The following VAC14 variants were observed in gnomAD, a reference collection of about 807,000 sequenced individuals.
VAC14 encodes the protein protein VAC14 homolog.
In VAC14, 47 loss-of-function variants were observed where a neutral mutation model predicts 85.3. The ratio of observed to expected loss-of-function variants is 0.55; its 90% CI spans 0.44 to 0.70. VAC14 has a LOEUF of 0.70. VAC14 is among the 30% of genes least tolerant of loss of function. The pLI, the probability that VAC14 is intolerant of heterozygous loss-of-function variation, is 0.00. For missense variants in VAC14, 861 were observed against 1,004.3 expected, an observed-to-expected ratio of 0.86 and a Z score of 1.93; for synonymous variants, 447 against 430.5, an observed-to-expected ratio of 1.04 and a Z score of -0.47.
intron 14 of VAC14, 44 bp downstream of exon 14, chr16:70,731,451 G>A (rs375183896): frequency 2.5e-6 from 4 of 1,591,402 alleles, no homozygotes; most frequent in South Asian, 1.1e-5. Flanking sequence ...GTGAAAAGCC[G>A]GGGCCGTGGG....
At chr16:70,698,041 GGAGTGA>G (rs1326970659) in intron 15 of VAC14, among the ~76,000 whole-genome samples, 2 of 152,192 alleles carry the variant, frequency 1.3e-5, no homozygotes, top group African/African-American at 4.8e-5. Context: ...TGTTCATAGG[GGAGTGA>G]GAGTGAGTGA....
chr16:70,762,744 G>C lies in VAC14; in HGVS notation c.1305+137C>G. Reference sequence around the variant, plus strand: ...CTCCCCGACACAATGAGGGCTCCTCGCAGCACCTGTCACTTCTCTGCCGGC... The same window carrying C: ...CTCCCCGACACAATGAGGGCTCCTCCCAGCACCTGTCACTTCTCTGCCGGC... On this transcript the variant is annotated intron_variant, in intron 11 of 18. Coordinates refer to ENST00000261776, the MANE Select transcript of VAC14 (RefSeq NM_018052.5). The surrounding 1 kb of genome is among the most constrained non-coding windows in gnomAD (Gnocchi z 4.1). 2 of 1,501,964 alleles carry C rather than the reference G, an allele frequency of 1.3e-6. No homozygotes were observed. The highest frequency in any genetic ancestry group is 1.8e-6 in the Non-Finnish European group (2 of 1,099,002). 93.0% of individuals were successfully genotyped at this position (1,501,964 alleles called of 1,614,324 possible). A position where few individuals can be genotyped will look rare whatever the true frequency, so the allele number is the denominator to read the frequency against.
In VAC14 at chr16:70,784,829, C is replaced by G. The variant is rs953224321; in HGVS notation, c.433G>C (p.Asp145His). The G allele has an allele frequency of 6.2e-7, 1 of 1,613,988 alleles. No individual in the cohort carries two copies. Among genetic ancestry groups the G allele is most frequent in the Non-Finnish European group, 8.5e-7 (1 of 1,180,000 alleles). Residue 145 changes from aspartate (D) to histidine (H), a missense_variant, in exon 4 of 19, where the codon GAC becomes CAC. Around this residue, in one of 3 missense-constraint regions of VAC14, gnomAD observed 629 missense variants for 703.1 expected, o/e 0.89. Transcript: ENST00000261776. ...LFDGLSKLAA[D>H]PDPNVKSGSE... is the part of the protein sequence containing the mutation. ...CCGCTTTTCACATTGGGGTCTGGGT[C>G]GGCTGCCAGCTGCAAGAGGCACAGA...
chr16:70,702,333 G>T (rs767157334), intron 14 of VAC14, among the ~76,000 whole-genome samples: 1 of 152,224 alleles, frequency 6.6e-6, no homozygotes, highest in Non-Finnish European at 1.5e-5. Context: ...TCCTCACGAG[G>T]TGTCTCCCTC....
intron 1 of VAC14, among the ~76,000 whole-genome samples, chr16:70,790,707 G>C (rs945085596): frequency 6.6e-5 from 10 of 152,004 alleles, no homozygotes; most frequent in African/African-American, 2.4e-5. Flanking sequence ...ATGTCTTCTT[G>C]CTTGGCACCA....
intron 1 of VAC14, among the ~76,000 whole-genome samples, chr16:70,794,774 T>G (rs1299229165): frequency 1.3e-5 from 2 of 152,148 alleles, no homozygotes; most frequent in African/African-American, 4.8e-5. Context: ...ATTAAACAAT[T>G]TAAACAGGGT....
At chr16:70,765,010 G>C (rs1020390985) in intron 10 of VAC14, among the ~76,000 whole-genome samples, 5 of 152,190 alleles carry the variant, frequency 3.3e-5, no homozygotes, top group African/African-American at 1.2e-4. Flanking sequence ...CCCCTGGCTA[G>C]AGAAGCTCAT....
intron 13 of VAC14, among the ~76,000 whole-genome samples, chr16:70,732,404 A>G (rs111537674): frequency 0.021 from 3,195 of 152,270 alleles, 96 homozygotes; most frequent in African/African-American, 0.071. Context: ...ACACCGAGGT[A>G]CAGATACCAC....
chr16:70,694,464 C>T (rs942870983), intron 17 of VAC14, among the ~76,000 whole-genome samples: 10 of 152,290 alleles, frequency 6.6e-5, no homozygotes, highest in Admixed American at 4.6e-4. Context: ...TCAGTTCCTA[C>T]GGCACCCTGC....
At chr16:70,688,788 T>C (rs2053545670) in intron 18 of VAC14, 2 of 985,484 alleles carry the variant, frequency 2.0e-6, no homozygotes, top group Non-Finnish European at 2.4e-6. Flanking sequence ...TTGCTGTCCC[T>C]GTCAAGCCCA....
intron 12 of VAC14, among the ~76,000 whole-genome samples, chr16:70,758,259 T>C (rs536294203): frequency 6.6e-6 from 1 of 152,288 alleles, no homozygotes; most frequent in African/African-American, 2.4e-5. Flanking sequence ...GGCCAGGGTC[T>C]GGGTGAGGGG....
chr16:70,687,540 CACACACAG>C lies in VAC14; in HGVS notation c.*380_*387del, dbSNP rs1426497264. On this transcript the variant is annotated 3_prime_UTR_variant, in exon 19 of 19. Transcript: ENST00000261776. ...GCATACAAGTACACACACACACACA[CACACACAG>C]GCATGTGTTCACGTATGTATACATA... The C allele has an allele frequency of 6.1e-6, 1 of 165,036 alleles. No homozygotes were observed. The highest frequency in any genetic ancestry group is 2.4e-5 in the African/African-American group (1 of 41,052). The allele number at this position is 165,036 out of a possible 1,614,324, so 10.2% of individuals were successfully genotyped here. A position where few individuals can be genotyped will look rare whatever the true frequency, so the allele number is the denominator to read the frequency against.
intron 1 of VAC14, among the ~76,000 whole-genome samples, chr16:70,789,840 G>C (rs1396028384): frequency 1.3e-5 from 2 of 152,206 alleles, no homozygotes; most frequent in African/African-American, 4.8e-5. Flanking sequence ...GCCAGGACAT[G>C]TTTCCGCTTG....
intron 18 of VAC14, 125 bp from the exon 19 acceptor site, chr16:70,688,215 A>G: frequency 1.5e-6 from 2 of 1,326,420 alleles, no homozygotes; most frequent in Non-Finnish European, 1.9e-6. Context: ...CGTCTGTCTC[A>G]GGCCTGGCAA....
chr16:70,708,842 C>T (rs914045355), intron 14 of VAC14, among the ~76,000 whole-genome samples: 5 of 152,204 alleles, frequency 3.3e-5, no homozygotes, highest in African/African-American at 1.2e-4. Context: ...CCGGTCTGGC[C>T]CCTGCCTGGA....
At chr16:70,763,555 AGT>A (rs1401679955) in intron 10 of VAC14, among the ~76,000 whole-genome samples, 1 of 152,192 alleles carries the variant, frequency 6.6e-6, no homozygotes, top group African/African-American at 2.4e-5. Context: ...ATGTTTCTCA[AGT>A]GAGGTCAGGG....
At chr16:70,748,492 T>C (rs2031102720) in intron 12 of VAC14, among the ~76,000 whole-genome samples, 1 of 152,168 alleles carries the variant, frequency 6.6e-6, no homozygotes, top group African/African-American at 2.4e-5. Flanking sequence ...GCATTCAAAG[T>C]ATTCTCTTAC....
chr16:70,731,661 TG>T (rs756795509), intron 13 of VAC14, 34 bp from the exon 14 acceptor site: 1 of 1,607,412 alleles, frequency 6.2e-7, no homozygotes, highest in Non-Finnish European at 8.5e-7. Context: ...GCATTTATTC[TG>T]ATTATGTGTC....
At chr16:70,777,575 C>T (rs894774701) in intron 9 of VAC14, among the ~76,000 whole-genome samples, 1 of 152,178 alleles carries the variant, frequency 6.6e-6, no homozygotes, top group Non-Finnish European at 1.5e-5. Flanking sequence ...ACCAGGGAAA[C>T]GGCACTGTGC....
Sources: allele counts gnomAD v4.1 joint callset (sites outside exome capture counted in the v4.1 genomes callset), GRCh38; gene constraint gnomAD v4.1.1; regional missense constraint gnomAD v4.1.1; non-coding constraint Gnocchi (gnomAD v3.1); transcripts MANE v1.5; gene names NCBI Gene and HGNC (gene_info 2026-07-23, HGNC 2026-07-21).